The following PDS5B variants were observed in gnomAD, a reference collection of about 807,000 sequenced individuals.
The protein encoded by PDS5B is sister chromatid cohesion protein PDS5 homolog B.
In PDS5B, 51 loss-of-function variants were observed where a neutral mutation model predicts 184.1. The ratio of observed to expected loss-of-function variants is 0.28; its 90% CI spans 0.22 to 0.35. The LOEUF (loss-of-function observed/expected upper bound fraction) is 0.35, where lower values mean the gene tolerates loss of function less well. Among genes scored for constraint, PDS5B ranks in the 10% least tolerant of loss-of-function variants. The pLI, the probability that PDS5B is intolerant of heterozygous loss-of-function variation, is 1.00. For synonymous variants in PDS5B, 566 were observed against 569.2 expected (o/e 0.99, Z 0.08); for missense variants, 1,180 against 1,723.3 (o/e 0.68, Z 5.58).
intron 1 of PDS5B, among the ~76,000 whole-genome samples, chr13:32,592,297 C>T (rs1474731455): frequency 1.3e-5 from 2 of 152,136 alleles, no homozygotes; most frequent in African/African-American, 4.8e-5. Context: ...ACTTGTTGCA[C>T]AGGCTGGAAT....
intron 1 of PDS5B, among the ~76,000 whole-genome samples, chr13:32,603,819 C>G (rs1402773832): frequency 6.6e-6 from 1 of 152,100 alleles, no homozygotes; most frequent in Non-Finnish European, 1.5e-5. Context: ...AAGTTGGATA[C>G]TTAGGTATTT....
chr13:32,753,618 T>A, intron 25 of PDS5B, 82 bp downstream of exon 25: 1 of 813,656 alleles, frequency 1.2e-6, no homozygotes, highest in Non-Finnish European at 1.9e-6. Flanking sequence ...TATATGATAT[T>A]ACTGTTATTT....
chr13:32,640,535 C>A (rs1430274673), intron 1 of PDS5B, among the ~76,000 whole-genome samples: 1 of 150,642 alleles, frequency 6.6e-6, no homozygotes, highest in East Asian at 2.0e-4. Context: ...GCGTGAGCCA[C>A]TGTGCATGGC....
intron 31 of PDS5B, 143 bp downstream of exon 31, chr13:32,764,737 T>C (rs1023908553): frequency 4.2e-6 from 2 of 474,006 alleles, no homozygotes; most frequent in African/African-American, 2.0e-5. Context: ...CCTGAGTTTA[T>C]AATTATCCTC....
intron 1 of PDS5B, among the ~76,000 whole-genome samples, chr13:32,600,143 A>G (rs1485417502): frequency 6.6e-6 from 1 of 152,180 alleles, no homozygotes; most frequent in Non-Finnish European, 1.5e-5. Context: ...TTATCTGCCA[A>G]GATTCCCCAT....
At chr13:32,756,268 CTG>C (rs903008507) in intron 26 of PDS5B, among the ~76,000 whole-genome samples, 10 of 152,184 alleles carry the variant, frequency 6.6e-5, no homozygotes, top group African/African-American at 2.2e-4. Context: ...CCTTCTGAAA[CTG>C]TGTAGATTTT....
Position 32,775,008 on chromosome 13 carries a change from C to T in PDS5B, c.4309-9C>T. The T allele has an allele frequency of 6.2e-7, 1 of 1,611,812 alleles. No homozygotes were observed. Among genetic ancestry groups the T allele is most frequent in the Non-Finnish European group, 8.5e-7 (1 of 1,178,588 alleles). On this transcript the variant is annotated splice_polypyrimidine_tract_variant and intron_variant, in intron 34 of 34. Transcript: ENST00000315596. ...TTTTAATTAAGCATCTGGTGACTTT[C>T]CTTTTAAGGTACGGCGGCGAAGTGC...
At position 32,662,531 on chromosome 13, in the gene PDS5B, A is replaced by T. The variant is rs555124041; in HGVS notation, c.624+3251A>T. ...ATTATAAATCAGGTAAACTGAGTTT[A>T]TAAAAATATTGAGGATTTGAAACAC... On this transcript the variant is annotated intron_variant, in intron 6 of 34. Coordinates refer to ENST00000315596, the MANE Select transcript of PDS5B (RefSeq NM_015032.4). Among the ~76,000 whole-genome samples, 372 of 152,288 alleles carry T rather than the reference A, an allele frequency of 2.4e-3. 2 individuals carry two copies. Among genetic ancestry groups the T allele is most frequent in the African/African-American group, 8.1e-3 (337 of 41,596 alleles).
intron 1 of PDS5B, among the ~76,000 whole-genome samples, chr13:32,625,109 C>T (rs767420170): frequency 5.3e-5 from 8 of 152,212 alleles, no homozygotes; most frequent in East Asian, 1.9e-4. Context: ...TTCATTCATT[C>T]GCTCATTCAT....
At chr13:32,706,279 AAAAT>A (rs60222106) in intron 17 of PDS5B, among the ~76,000 whole-genome samples, 12,129 of 144,874 alleles carry the variant, frequency 0.084, 551 homozygotes, top group African/African-American at 0.12. Flanking sequence ...CTTCGTCTCA[AAAAT>A]AAATAAATAA....
chr13:32,687,336 T>G (rs1368494748), intron 12 of PDS5B, 51 bp downstream of exon 12: 8 of 1,336,220 alleles, frequency 6.0e-6, no homozygotes, highest in Non-Finnish European at 6.2e-6. Context: ...TTATATAACT[T>G]GATTTATTGT....
At chr13:32,667,180 T>C (rs1161423029) in intron 6 of PDS5B, among the ~76,000 whole-genome samples, 1 of 152,178 alleles carries the variant, frequency 6.6e-6, no homozygotes, top group Non-Finnish European at 1.5e-5. Flanking sequence ...CTTGTATCAT[T>C]ATCAAAGTCT....
chr13:32,720,357 A>G lies in PDS5B; in HGVS notation c.2123+10251A>G, dbSNP rs1481701370. ...TTCTAGGTTGGTAACGTGGTAATATATGCAAACTTAAAATGTGTATAGTTT... is the reference window on the plus strand; with the variant it reads ...TTCTAGGTTGGTAACGTGGTAATATGTGCAAACTTAAAATGTGTATAGTTT... On this transcript the variant is annotated intron_variant, in intron 19 of 34. Coordinates refer to ENST00000315596, the MANE Select transcript of PDS5B (RefSeq NM_015032.4). Among the ~76,000 whole-genome samples, 26 of 152,330 alleles carry G rather than the reference A, an allele frequency of 1.7e-4. No homozygotes were observed. In the East Asian group the frequency reaches 4.6e-3, roughly 27 times the overall value.
chr13:32,698,061 T>C (rs200656545), intron 15 of PDS5B, among the ~76,000 whole-genome samples: 83 of 133,168 alleles, frequency 6.2e-4, no homozygotes, highest in Non-Finnish European at 1.2e-3. Context: ...TTTTTTTTTT[T>C]CCCTATCAGT....
At chr13:32,742,543 C>T in intron 22 of PDS5B, 48 bp from the exon 23 acceptor site, 2 of 1,496,222 alleles carry the variant, frequency 1.3e-6, no homozygotes, top group Non-Finnish European at 1.8e-6. Context: ...TACAGAAATT[C>T]TTTCAAAATG....
At chr13:32,772,412 G>GA (rs1954819902) in intron 33 of PDS5B, among the ~76,000 whole-genome samples, 1 of 152,112 alleles carries the variant, frequency 6.6e-6, no homozygotes, top group African/African-American at 2.4e-5. Flanking sequence ...ATGGAGTGAG[G>GA]AAGTTTTTTC....
chr13:32,777,619 C>G lies in PDS5B; in HGVS notation c.*2567C>G, dbSNP rs1954993630. On this transcript the variant is annotated 3_prime_UTR_variant, in exon 35 of 35. Transcript: ENST00000315596. ...ATATTTAACTCCCTGTAACAAGTTC[C>G]ATTATGAAAATCTTATTCCTCAGTG... 1 of 152,224 alleles carries G rather than the reference C, an allele frequency of 6.6e-6. No homozygotes were observed. The highest frequency in any genetic ancestry group is 6.6e-5 in the Admixed American group (1 of 15,254). The allele number at this position is 152,224 out of a possible 1,614,324, so 9.4% of individuals were successfully genotyped here.
chr13:32,682,964 C>T (rs1951286727), intron 10 of PDS5B, among the ~76,000 whole-genome samples: 1 of 152,114 alleles, frequency 6.6e-6, no homozygotes, highest in Non-Finnish European at 1.5e-5. Flanking sequence ...ACATCTCTTG[C>T]CTGTGATCTC....
chr13:32,673,396 T>C (rs1950985338), intron 8 of PDS5B, 40 bp downstream of exon 8: 1 of 1,527,360 alleles, frequency 6.5e-7, no homozygotes, highest in Non-Finnish European at 9.0e-7. Flanking sequence ...AACCAAGTTA[T>C]TAGCAAAGAG....
Sources: allele counts gnomAD v4.1 joint callset (sites outside exome capture counted in the v4.1 genomes callset), GRCh38; gene constraint gnomAD v4.1.1; transcripts MANE v1.5; gene names NCBI Gene and HGNC (gene_info 2026-07-23, HGNC 2026-07-21).